The following SLC68A1 variants were observed in gnomAD, a reference collection of about 807,000 sequenced individuals.
The protein encoded by SLC68A1 is major facilitator superfamily domain containing 13A.
At chr10:102,465,184 A>C in the SLC68A1 span, among the ~76,000 whole-genome samples, 3 of 150,992 alleles carry the variant, frequency 2.0e-5, no homozygotes, top group Middle Eastern at 3.4e-3. Flanking sequence ...GCTTGAACCC[A>C]GGAGGCAGAG....
the SLC68A1 span, among the ~76,000 whole-genome samples, chr10:102,463,627 T>TG: frequency 3.1e-5 from 4 of 130,112 alleles, no homozygotes; most frequent in East Asian, 2.5e-4. Context: ...GGGCAGGGTG[T>TG]GGGGGGGATG....
the SLC68A1 span, among the ~76,000 whole-genome samples, chr10:102,467,407 T>C: frequency 6.6e-6 from 1 of 152,242 alleles, no homozygotes; most frequent in African/African-American, 2.4e-5. Context: ...GATGTGTTCA[T>C]TATCTTGTTT....
the SLC68A1 span, among the ~76,000 whole-genome samples, chr10:102,474,379 G>GCC: frequency 6.6e-6 from 1 of 152,148 alleles, no homozygotes; most frequent in Non-Finnish European, 1.5e-5. Flanking sequence ...TAGTGTTATG[G>GCC]TGAAATTAAG....
chr10:102,463,423 G>A, the SLC68A1 span, among the ~76,000 whole-genome samples: 1 of 152,078 alleles, frequency 6.6e-6, no homozygotes, highest in Non-Finnish European at 1.5e-5. Flanking sequence ...CGCCCGCGTC[G>A]GCCTCCCCAA....
chr10:102,462,626 AG>A, the SLC68A1 span, among the ~76,000 whole-genome samples: 1 of 152,196 alleles, frequency 6.6e-6, no homozygotes, highest in East Asian at 1.9e-4. Context: ...GGTAGGGTGA[AG>A]GGGAAGAGTT....
the SLC68A1 span, chr10:102,470,926 G>A: frequency 1.9e-5 from 31 of 1,613,362 alleles, 1 homozygote; most frequent in Middle Eastern, 6.6e-4. Context: ...TCTTCAGCGC[G>A]GCCGGCTCCC....
the SLC68A1 span, among the ~76,000 whole-genome samples, chr10:102,464,006 T>C: frequency 2.1e-3 from 326 of 152,268 alleles, no homozygotes; most frequent in African/African-American, 7.2e-3. Flanking sequence ...ATTTCAATCA[T>C]GGATTTGGCA....
chr10:102,469,287 G>C, the SLC68A1 span: 1 of 1,348,782 alleles, frequency 7.4e-7, no homozygotes, highest in Non-Finnish European at 1.0e-6. Flanking sequence ...GCAGGTGCCT[G>C]GTCCCACCCA....
At chr10:102,476,717 G>A in the SLC68A1 span, 1 of 986,218 alleles carries the variant, frequency 1.0e-6, no homozygotes, top group South Asian at 4.7e-5. Context: ...GGACCAAGAA[G>A]GGAGGGGGCT....
At chr10:102,472,883 C>T in the SLC68A1 span, 1 of 1,614,218 alleles carries the variant, frequency 6.2e-7, no homozygotes. Flanking sequence ...ACAGCAACTT[C>T]TTCCCTCTCT....
At chr10:102,464,312 A>G in the SLC68A1 span, among the ~76,000 whole-genome samples, 227 of 152,248 alleles carry the variant, frequency 1.5e-3, no homozygotes, top group African/African-American at 5.1e-3. Flanking sequence ...TTAGCCAGGC[A>G]TGGTGGCGCA....
chr10:102,476,889 T>C, the SLC68A1 span: 3 of 985,388 alleles, frequency 3.0e-6, no homozygotes, highest in Admixed American at 1.2e-4. Flanking sequence ...TCCCACTCCG[T>C]CCACCCTTCT....
chr10:102,475,889 T>A, the SLC68A1 span: 2 of 1,613,902 alleles, frequency 1.2e-6, no homozygotes, highest in Non-Finnish European at 1.7e-6. Flanking sequence ...CTTCACCTGG[T>A]CCCAGTTCAC....
the SLC68A1 span, chr10:102,472,993 G>C: frequency 2.1e-6 from 3 of 1,460,594 alleles, no homozygotes; most frequent in Non-Finnish European, 2.9e-6. Flanking sequence ...TGGAAGGAGA[G>C]AGACCTGTAT....
At chr10:102,464,043 T>C in the SLC68A1 span, among the ~76,000 whole-genome samples, 1 of 152,204 alleles carries the variant, frequency 6.6e-6, no homozygotes, top group Non-Finnish European at 1.5e-5. Flanking sequence ...TTATTTTTGA[T>C]TGATGTTGCC....
chr10:102,470,129 C>T, the SLC68A1 span: 2 of 1,527,778 alleles, frequency 1.3e-6, no homozygotes, highest in South Asian at 1.1e-5. Context: ...TACTGCTACC[C>T]AGGAGGGAGG....
At chr10:102,466,281 C>T in the SLC68A1 span, among the ~76,000 whole-genome samples, 1 of 151,924 alleles carries the variant, frequency 6.6e-6, no homozygotes, top group Admixed American at 6.6e-5. Flanking sequence ...GTCAGGAGTT[C>T]AAGACCAGCC....
At chr10:102,464,439 A>G in the SLC68A1 span, among the ~76,000 whole-genome samples, 18 of 151,310 alleles carry the variant, frequency 1.2e-4, no homozygotes, top group East Asian at 3.5e-3. Flanking sequence ...CGACAGAGTG[A>G]GACTCCGTCT....
the SLC68A1 span, chr10:102,475,850 G>C: frequency 1.2e-6 from 2 of 1,614,050 alleles, no homozygotes; most frequent in South Asian, 1.1e-5. Context: ...GCTGGTGCTG[G>C]TGCCCATCAC....
Sources: gnomAD v4.1 joint callset for allele counts (sites outside exome capture counted in the v4.1 genomes callset) on GRCh38, gnomAD v4.1.1 for gene constraint, MANE v1.5 for transcripts, NCBI Gene and HGNC (gene_info 2026-07-23, HGNC 2026-07-21) for gene names.